The following MAPK10 variants were observed in gnomAD, a reference collection of about 807,000 sequenced individuals.
MAPK10 encodes mitogen-activated protein kinase 10, also known as JNK3 alpha protein kinase.
A neutral mutation model predicts 59.3 loss-of-function variants in MAPK10; 25 were observed. The observed-to-expected ratio is 0.42, with a 90% CI of 0.31 to 0.59. MAPK10 has a LOEUF of 0.59. Among genes scored for constraint, MAPK10 ranks in the 20% least tolerant of loss-of-function variants. The probability of loss-of-function intolerance (pLI) is 0.15; values close to 1 mark genes in which losing one functional copy is unlikely to be tolerated. For synonymous variants in MAPK10, 190 were observed against 200.5 expected (o/e 0.95, Z 0.44); for missense variants, 351 against 568.9 (o/e 0.62, Z 3.90).
At chr4:86,372,564 G>GAAAGAAAGAAAAGAAAAGAAAAGAAAAGA in intron 1 of MAPK10, among the ~76,000 whole-genome samples, 5 of 78,692 alleles carry the variant, frequency 6.4e-5, no homozygotes, top group African/African-American at 1.3e-4. Context: ...AAGAAAGAAA[G>GAAAGAAAGAAAAGAAAAGAAAAGAAAAGA]AAAGAAAAGA....
intron 3 of MAPK10, among the ~76,000 whole-genome samples, chr4:86,162,596 T>C (rs527314738): frequency 6.6e-6 from 1 of 152,204 alleles, no homozygotes; most frequent in African/African-American, 2.4e-5. Flanking sequence ...CTTTATGGCC[T>C]TCCTCTGTTC....
chr4:86,378,419 T>A (rs556877649), intron 1 of MAPK10, among the ~76,000 whole-genome samples: 13 of 152,312 alleles, frequency 8.5e-5, no homozygotes, highest in Non-Finnish European at 2.9e-5. Flanking sequence ...TTGACAAGCC[T>A]GTCTAAAATA....
chr4:86,273,500 T>C (rs2094491320), intron 2 of MAPK10, among the ~76,000 whole-genome samples: 1 of 152,026 alleles, frequency 6.6e-6, no homozygotes, highest in Admixed American at 6.6e-5. Flanking sequence ...ATTTTTGTAC[T>C]GGTGCCTATT....
intron 2 of MAPK10, among the ~76,000 whole-genome samples, chr4:86,264,884 T>C (rs913510129): frequency 1.4e-5 from 2 of 143,918 alleles, no homozygotes; most frequent in Non-Finnish European, 3.0e-5. Context: ...TTGATGGCCC[T>C]GGACTTTTTT....
intron 1 of MAPK10, among the ~76,000 whole-genome samples, chr4:86,431,282 TAAAC>T (rs1219660808): frequency 6.6e-6 from 1 of 152,000 alleles, no homozygotes; most frequent in Non-Finnish European, 1.5e-5. Flanking sequence ...TGGGAACAAA[TAAAC>T]AGTTTAATAA....
chr4:86,336,908 A>G (rs1721786515), intron 2 of MAPK10, among the ~76,000 whole-genome samples: 1 of 147,272 alleles, frequency 6.8e-6, no homozygotes. Context: ...CTCCTGCCTC[A>G]GCCTCCCAAG....
chr4:86,185,749 A>G (rs539634207), intron 3 of MAPK10, among the ~76,000 whole-genome samples: 13 of 152,300 alleles, frequency 8.5e-5, no homozygotes, highest in Non-Finnish European at 2.9e-5. Context: ...ATTTGCTGAC[A>G]GCTTGAATAT....
At chr4:86,397,692 A>C (rs1395705411) in intron 1 of MAPK10, among the ~76,000 whole-genome samples, 1 of 151,872 alleles carries the variant, frequency 6.6e-6, no homozygotes, top group African/African-American at 2.4e-5. Context: ...TGCACCTATC[A>C]TTCTGCCTTT....
chr4:86,301,102 T>C (rs570104260), intron 2 of MAPK10, among the ~76,000 whole-genome samples: 1 of 152,212 alleles, frequency 6.6e-6, no homozygotes, highest in South Asian at 2.1e-4. Context: ...ACAGTATTCC[T>C]GGCCTCTACC....
chr4:86,330,869 T>C (rs2096136558), intron 2 of MAPK10, among the ~76,000 whole-genome samples: 1 of 152,224 alleles, frequency 6.6e-6, no homozygotes, highest in African/African-American at 2.4e-5. Context: ...TTTAAATTCT[T>C]AAGTTAATTA....
intron 2 of MAPK10, among the ~76,000 whole-genome samples, chr4:86,221,640 C>A (rs2089630608): frequency 6.6e-6 from 1 of 151,942 alleles, no homozygotes; most frequent in African/African-American, 2.4e-5. Context: ...ATGCACACCA[C>A]CACACCTGGC....
intron 4 of MAPK10, among the ~76,000 whole-genome samples, chr4:86,122,034 T>C (rs1023123900): frequency 6.6e-6 from 1 of 152,118 alleles, no homozygotes; most frequent in African/African-American, 2.4e-5. Context: ...GGGAATTTAA[T>C]CATGTTAATA....
intron 2 of MAPK10, among the ~76,000 whole-genome samples, chr4:86,208,171 T>C (rs983399750): frequency 6.6e-6 from 1 of 151,930 alleles, no homozygotes; most frequent in Non-Finnish European, 1.5e-5. Flanking sequence ...CAAGGAGGAA[T>C]TGGTACCATT....
chr4:86,469,266 C>T (rs1012872137), intron 1 of MAPK10, among the ~76,000 whole-genome samples: 2 of 152,038 alleles, frequency 1.3e-5, no homozygotes, highest in African/African-American at 4.8e-5. Context: ...CAAAACAAAA[C>T]AGAACAAAAA....
chr4:86,442,683 G>GT (rs1457362677), intron 1 of MAPK10, among the ~76,000 whole-genome samples: 2 of 151,840 alleles, frequency 1.3e-5, no homozygotes, highest in African/African-American at 2.4e-5. Flanking sequence ...TTCTGTATCT[G>GT]TTTTTTCCCA....
At chr4:86,209,029 G>C (rs115026166) in intron 2 of MAPK10, among the ~76,000 whole-genome samples, 2 of 152,020 alleles carry the variant, frequency 1.3e-5, no homozygotes, top group Non-Finnish European at 2.9e-5. Flanking sequence ...TAGTTGGTAA[G>C]GTTGAAGGTA....
intron 1 of MAPK10, among the ~76,000 whole-genome samples, chr4:86,526,757 G>T (rs1449678489): frequency 6.6e-6 from 1 of 152,020 alleles, no homozygotes; most frequent in Non-Finnish European, 1.5e-5. Flanking sequence ...AGAGATTTTA[G>T]TATACTGTAT....
chr4:86,176,508 G>A (rs577018513), intron 3 of MAPK10, among the ~76,000 whole-genome samples: 13 of 152,142 alleles, frequency 8.5e-5, no homozygotes, highest in Non-Finnish European at 1.9e-4. Flanking sequence ...AGCAAATCAA[G>A]CACATTTTCA....
At chr4:86,048,347 T>C (rs975660252) in intron 11 of MAPK10, among the ~76,000 whole-genome samples, 24 of 151,860 alleles carry the variant, frequency 1.6e-4, no homozygotes, top group African/African-American at 5.3e-4. Flanking sequence ...AGAAAATGAG[T>C]TAACTTAAAA....
Sources: allele counts gnomAD v4.1 joint callset (sites outside exome capture counted in the v4.1 genomes callset), GRCh38; gene constraint gnomAD v4.1.1; transcripts MANE v1.5; gene names NCBI Gene and HGNC (gene_info 2026-07-23, HGNC 2026-07-21).